The following RBFOX1 variants were observed in gnomAD, a reference collection of about 807,000 sequenced individuals.
The protein encoded by RBFOX1 is RNA binding protein fox-1 homolog 1.
RBFOX1 carries 8 observed loss-of-function variants against 57.7 expected under a neutral mutation model. That is an observed-to-expected ratio of 0.14 (90% CI 0.08 to 0.25). The LOEUF (loss-of-function observed/expected upper bound fraction) is 0.25, where lower values mean the gene tolerates loss of function less well. RBFOX1 is among the 10% of genes least tolerant of loss of function. The probability of loss-of-function intolerance (pLI) is 1.00; values close to 1 mark genes in which losing one functional copy is unlikely to be tolerated. For missense variants in RBFOX1, 611 were observed against 548.5 expected (o/e 1.11, Z -1.14); for synonymous variants, 326 against 222.4 (o/e 1.47, Z -4.15).
intron 4 of RBFOX1, among the ~76,000 whole-genome samples, chr16:7,420,312 A>T (rs539753396): frequency 6.6e-6 from 1 of 152,278 alleles, no homozygotes; most frequent in East Asian, 1.9e-4. Flanking sequence ...TGAGACATGG[A>T]ATCTGTTTAT....
intron 4 of RBFOX1, among the ~76,000 whole-genome samples, chr16:7,069,406 G>T (rs1598633261): frequency 6.6e-6 from 1 of 152,144 alleles, no homozygotes; most frequent in East Asian, 1.9e-4. Context: ...GTTTCTGTGT[G>T]TTCGTTGTTC....
chr16:7,619,996 T>G (rs1232673752), intron 10 of RBFOX1, among the ~76,000 whole-genome samples: 2 of 152,216 alleles, frequency 1.3e-5, no homozygotes, highest in Non-Finnish European at 2.9e-5. Context: ...ACATTAAAAC[T>G]CCTAAGTTTA....
chr16:7,469,092 C>T (rs368978735), intron 4 of RBFOX1, among the ~76,000 whole-genome samples: 2 of 152,192 alleles, frequency 1.3e-5, no homozygotes, highest in East Asian at 1.9e-4. Flanking sequence ...CAGCACCATG[C>T]CCGGCTAATT....
At chr16:7,705,436 C>T (rs554792450) in intron 14 of RBFOX1, among the ~76,000 whole-genome samples, 32 of 152,184 alleles carry the variant, frequency 2.1e-4, no homozygotes, top group Middle Eastern at 6.8e-3. Flanking sequence ...ACTTGAGGGA[C>T]GGAGCTTGCA....
At chr16:7,280,199 G>T (rs974857998) in intron 4 of RBFOX1, among the ~76,000 whole-genome samples, 2 of 152,188 alleles carry the variant, frequency 1.3e-5, no homozygotes, top group Non-Finnish European at 2.9e-5. Context: ...AAATTCAGCT[G>T]TTTTCCTCAT....
At chr16:7,398,857 A>G (rs1597433659) in intron 4 of RBFOX1, among the ~76,000 whole-genome samples, 1 of 152,212 alleles carries the variant, frequency 6.6e-6, no homozygotes, top group African/African-American at 2.4e-5. Context: ...TCCTTGTACT[A>G]AAGTGGGGCT....
chr16:7,482,542 A>ATTTT lies in RBFOX1; in HGVS notation c.28-35582_28-35579dup, dbSNP rs1178577326. ...TGCATCTTCCCTTTGATTGCCTGGGATTTTTTTTTTTTTTTTTTTTTTTTT... is the reference window on the plus strand; with the variant it reads ...TGCATCTTCCCTTTGATTGCCTGGGATTTTTTTTTTTTTTTTTTTTTTTTTTTTT... On this transcript the variant is annotated intron_variant, in intron 4 of 15. Coordinates refer to ENST00000550418, the MANE Select transcript of RBFOX1 (RefSeq NM_018723.4). Among the ~76,000 whole-genome samples, 32 of 77,188 alleles carry ATTTT rather than the reference A, an allele frequency of 4.1e-4. 1 individual carries two copies. Among genetic ancestry groups the ATTTT allele is most frequent in the African/African-American group, 1.6e-3 (27 of 17,240 alleles). The allele number at this position is 77,188 out of a possible 152,430, so 50.6% of individuals were successfully genotyped here.
intron 2 of RBFOX1, among the ~76,000 whole-genome samples, chr16:6,495,424 C>T (rs956461987): frequency 6.6e-6 from 1 of 151,690 alleles, no homozygotes; most frequent in Admixed American, 6.6e-5. Context: ...AGCTTCCGCG[C>T]CTGGCAGACA....
chr16:5,364,221 C>T (rs1271839828), intron 1 of RBFOX1, among the ~76,000 whole-genome samples: 1 of 152,162 alleles, frequency 6.6e-6, no homozygotes, highest in African/African-American at 2.4e-5. Flanking sequence ...AAGTTCCAGC[C>T]AAGTGCTAAG....
At chr16:7,041,320 G>T (rs562392153) in intron 3 of RBFOX1, among the ~76,000 whole-genome samples, 1 of 152,148 alleles carries the variant, frequency 6.6e-6, no homozygotes, top group South Asian at 2.1e-4. Context: ...TGGGAGAACC[G>T]AGTAGCTGCA....
chr16:7,141,051 C>T (rs970243736), intron 4 of RBFOX1, among the ~76,000 whole-genome samples: 18 of 152,272 alleles, frequency 1.2e-4, no homozygotes, highest in African/African-American at 4.1e-4. Context: ...AAGCCACCCT[C>T]AGCAAACCAG....
rs55898611 is a variant in RBFOX1, at chr16:7,544,146, C to T, written c.270+25757C>T. 1.4e-3 allele frequency among the ~76,000 whole-genome samples: 210 copies of T among 152,350 alleles called. 1 individual carries two copies. The highest frequency in any genetic ancestry group is 5.0e-3 in the African/African-American group (207 of 41,580). ...AAGCCTGAATTGAAACCAACGCTTA[C>T]TCCTAAAGACTGGGCTTTGAGTTGC... On this transcript the variant is annotated intron_variant, in intron 5 of 15. Transcript: ENST00000550418.
chr16:7,054,613 A>G (rs2051464480), intron 4 of RBFOX1, among the ~76,000 whole-genome samples: 1 of 151,754 alleles, frequency 6.6e-6, no homozygotes, highest in Non-Finnish European at 1.5e-5. Flanking sequence ...GTCCATCTCA[A>G]TGAAATGCAT....
Position 7,185,134 on chromosome 16 carries a change from A to G in RBFOX1, c.27+133036A>G, listed in dbSNP as rs550458389. Among the ~76,000 whole-genome samples, 3 of 152,174 alleles carry G rather than the reference A, an allele frequency of 2.0e-5. No individual in the cohort carries two copies. The East Asian group carries it at 5.8e-4, about 29-fold the overall frequency. On this transcript the variant is annotated intron_variant, in intron 4 of 15. Coordinates refer to ENST00000550418, the MANE Select transcript of RBFOX1 (RefSeq NM_018723.4). ...ACAGTGGGGTATTATGGAAGAGCAT[A>G]TGGGAGCACTTTGCAAAGTGTCAAC... is the stretch of plus-strand genomic sequence containing the variant.
chr16:6,597,613 G>T (rs181503373), intron 2 of RBFOX1, among the ~76,000 whole-genome samples: 2 of 152,250 alleles, frequency 1.3e-5, no homozygotes, highest in Non-Finnish European at 1.5e-5. Context: ...GTGGAAGATT[G>T]CAGTGAGCTG....
At chr16:6,037,889 C>T (rs1300122213) in intron 1 of RBFOX1, 1 of 152,156 alleles carries the variant, frequency 6.6e-6, no homozygotes, top group African/African-American at 2.4e-5. Flanking sequence ...GCCACCACAC[C>T]TGGCCTGTAG....
intron 2 of RBFOX1, among the ~76,000 whole-genome samples, chr16:6,493,744 C>G (rs896683730): frequency 1.3e-5 from 2 of 152,188 alleles, no homozygotes; most frequent in Non-Finnish European, 2.9e-5. Context: ...TAATAAAACA[C>G]TTCAGAGAAA....
chr16:6,561,869 A>G (rs2097183457), intron 2 of RBFOX1, among the ~76,000 whole-genome samples: 2 of 152,158 alleles, frequency 1.3e-5, no homozygotes, highest in African/African-American at 4.8e-5. Context: ...ATTCTGGTGA[A>G]TGATTTAATG....
intron 4 of RBFOX1, among the ~76,000 whole-genome samples, chr16:7,273,907 G>A (rs140615017): frequency 8.3e-4 from 126 of 152,210 alleles, no homozygotes; most frequent in African/African-American, 2.9e-3. Context: ...TCTCTCAGTT[G>A]TCATTGATTG....
Sources: allele counts gnomAD v4.1 joint callset (sites outside exome capture counted in the v4.1 genomes callset), GRCh38; gene constraint gnomAD v4.1.1; transcripts MANE v1.5; gene names NCBI Gene and HGNC (gene_info 2026-07-23, HGNC 2026-07-21).